Variants in TNRC6C observed in about 807,000 individuals in gnomAD.
TNRC6C encodes the protein trinucleotide repeat-containing gene 6C protein.
Under a neutral mutation model 153.7 loss-of-function variants are expected in TNRC6C, and 20 were observed. The observed-to-expected ratio is 0.13, with a 90% CI of 0.09 to 0.19. The LOEUF (loss-of-function observed/expected upper bound fraction) is 0.19. Among genes scored for constraint, TNRC6C ranks in the 10% least tolerant of loss-of-function variants. The pLI, the probability that TNRC6C is intolerant of heterozygous loss-of-function variation, is 1.00. For missense variants in TNRC6C, 1,987 were observed against 2,172.0 expected, an observed-to-expected ratio of 0.91 and a Z score of 1.69; for synonymous variants, 811 against 841.4, an observed-to-expected ratio of 0.96 and a Z score of 0.63.
exon 3 of TNRC6C, chr17:78,051,327 T>G (rs377028000): frequency 1.9e-6 from 3 of 1,551,326 alleles, no homozygotes; most frequent in Non-Finnish European, 2.6e-6. Context: ...TCCAGAGCAG[T>G]ACCACGACCA....
Position 78,049,340 on chromosome 17 carries a change from A to T in TNRC6C, c.278A>T (p.Asn93Ile), listed in dbSNP as rs754323175. ...AATTGCTGGGGTGCTTCCAACTCCA[A>T]TGCTGGCATTAATCTTAACCTTAAT... is the stretch of plus-strand genomic sequence containing the variant. Residue 93 changes from asparagine (N) to isoleucine (I), a missense_variant, in exon 3 of 20, where the codon AAT (asparagine) becomes ATT (isoleucine). Physicochemically the swap from Asn to Ile is moderately radical, Grantham distance 149 (BLOSUM62 -3). Coordinates refer to ENST00000301624, the Ensembl canonical transcript of TNRC6C. This position sits in a 1 kb window ranked among gnomAD's most constrained non-coding sequence, Gnocchi z 4.1. 1 of 1,614,016 alleles carries T rather than the reference A, an allele frequency of 6.2e-7. No individual in the cohort carries two copies. The highest frequency in any genetic ancestry group is 8.5e-7 in the Non-Finnish European group (1 of 1,179,900).
At chr17:78,037,799 G>A (rs571935925) in intron 2 of TNRC6C, among the ~76,000 whole-genome samples, 1 of 152,296 alleles carries the variant, frequency 6.6e-6, no homozygotes, top group African/African-American at 2.4e-5. Flanking sequence ...GTTGCTTTTG[G>A]AACTTGATAG....
chr17:78,083,286 C>T (rs1474030815), intron 11 of TNRC6C, 120 bp downstream of exon 13: 2 of 1,342,532 alleles, frequency 1.5e-6, no homozygotes, highest in African/African-American at 1.4e-5. Context: ...TTGAGACTCT[C>T]ATGAAGTATT....
At chr17:78,048,712 A>C (rs2072458699) in intron 2 of TNRC6C, 133 bp from the exon 5 acceptor site, 1 of 889,242 alleles carries the variant, frequency 1.1e-6, no homozygotes, top group Non-Finnish European at 1.5e-6. Context: ...TTTTTCTTTA[A>C]GTCATTTTTT....
At chr17:78,014,897 G>A (rs1036223733) in intron 1 of TNRC6C, among the ~76,000 whole-genome samples, 5 of 151,766 alleles carry the variant, frequency 3.3e-5, no homozygotes, top group East Asian at 1.9e-4. Flanking sequence ...TGGACCCTCC[G>A]TACTCAGAGC....
chr17:78,042,309 A>G (rs1195482675), intron 2 of TNRC6C, among the ~76,000 whole-genome samples: 1 of 152,118 alleles, frequency 6.6e-6, no homozygotes, highest in Admixed American at 6.6e-5. Context: ...TGGTGGGAAG[A>G]GCACTAGATT....
chr17:77,997,846 G>C (rs375523154), intron 1 of TNRC6C, among the ~76,000 whole-genome samples: 2 of 151,766 alleles, frequency 1.3e-5, no homozygotes, highest in South Asian at 4.2e-4. Context: ...AGTAGAGACG[G>C]GGTTTCACCG....
intron 3 of TNRC6C, among the ~76,000 whole-genome samples, chr17:78,051,835 T>C (rs1269811349): frequency 6.6e-6 from 1 of 152,182 alleles, no homozygotes; most frequent in African/African-American, 2.4e-5. Context: ...CTTGGGCAAG[T>C]TGGCAGATGA....
intron 1 of TNRC6C, among the ~76,000 whole-genome samples, chr17:77,977,185 G>A (rs1209679689): frequency 6.6e-6 from 1 of 151,622 alleles, no homozygotes; most frequent in Non-Finnish European, 1.5e-5. Context: ...TTCATGTTTA[G>A]TTTATCTTTT....
chr17:78,103,279 A>G (rs977325960), intron 18 of TNRC6C, 135 bp from the exon 22 acceptor site: 1 of 1,053,494 alleles, frequency 9.5e-7, no homozygotes, highest in Non-Finnish European at 1.3e-6. Flanking sequence ...TTGTAAAACC[A>G]CATATTATTA....
intron 1 of TNRC6C, among the ~76,000 whole-genome samples, chr17:78,012,847 C>T (rs950536116): frequency 1.8e-4 from 28 of 152,188 alleles, no homozygotes; most frequent in Non-Finnish European, 1.5e-5. Context: ...CACTTTCTAC[C>T]TGAAAGGATT....
intron 2 of TNRC6C, among the ~76,000 whole-genome samples, chr17:78,039,605 C>T (rs1018515030): frequency 6.6e-6 from 1 of 152,210 alleles, no homozygotes; most frequent in Non-Finnish European, 1.5e-5. Flanking sequence ...AGCTTTCCAG[C>T]GTCCAGCTGA....
At chr17:77,972,092 C>A (rs1335403271) in intron 1 of TNRC6C, among the ~76,000 whole-genome samples, 1 of 151,664 alleles carries the variant, frequency 6.6e-6, no homozygotes, top group East Asian at 1.9e-4. Context: ...GAAATAGAAA[C>A]ATAAAAACAA....
At chr17:78,061,406 T>G (rs1186413561) in intron 3 of TNRC6C, among the ~76,000 whole-genome samples, 1 of 152,244 alleles carries the variant, frequency 6.6e-6, no homozygotes, top group African/African-American at 2.4e-5. Context: ...AATTTTCTAT[T>G]GCATTTCAGT....
chr17:78,107,518 C>A (rs548879226), exon 20 of TNRC6C: 1 of 152,368 alleles, frequency 6.6e-6, no homozygotes, highest in East Asian at 1.9e-4. Context: ...TTGCACGCTG[C>A]GATTGGGAGA....
chr17:78,029,463 G>T (rs1012059142), intron 1 of TNRC6C, among the ~76,000 whole-genome samples: 2 of 152,122 alleles, frequency 1.3e-5, no homozygotes, highest in Non-Finnish European at 2.9e-5. Context: ...AGAAAAATAC[G>T]CTATAAAGAA....
At position 78,050,188 on chromosome 17, in the gene TNRC6C, C is replaced by T; in HGVS notation, c.1126C>T (p.Gln376Ter). The change falls in exon 3 of 20, where the codon CAG becomes TAG. Residue 376 changes from glutamine (Q) to a stop codon, truncating the protein, a stop_gained. Coordinates refer to ENST00000301624, the Ensembl canonical transcript of TNRC6C. LOFTEE classifies it high-confidence loss of function. ...TGTCACCAGCCAGAACCCTACCGTA[C>T]AGCCTGGTGGTGAACACATGAACTC... 6.4e-7 allele frequency: 1 copy of T among 1,552,170 alleles called. No individual in the cohort carries two copies. The highest frequency in any genetic ancestry group is 8.7e-7 in the Non-Finnish European group (1 of 1,151,368).
chr17:77,958,861 G>A (rs2070835147), upstream of TNRC6C, among the ~76,000 whole-genome samples: 1 of 147,098 alleles, frequency 6.8e-6, no homozygotes, highest in Non-Finnish European at 1.5e-5. Flanking sequence ...CGCTCCCGCC[G>A]CCGTCACCGT....
intron 3 of TNRC6C, among the ~76,000 whole-genome samples, chr17:78,061,106 T>C (rs954447152): frequency 6.6e-5 from 10 of 152,226 alleles, no homozygotes; most frequent in African/African-American, 2.4e-4. Flanking sequence ...CTCTGTTTGT[T>C]AATTTGAAGA....
Sources: gnomAD v4.1 joint callset for allele counts (sites outside exome capture counted in the v4.1 genomes callset) on GRCh38, gnomAD v4.1.1 for gene constraint, Gnocchi (gnomAD v3.1) non-coding constraint, MANE v1.5 for transcripts, NCBI Gene and HGNC (gene_info 2026-07-23, HGNC 2026-07-21) for gene names.